FARP2: variants seen among roughly 807,000 people sequenced by gnomAD.
FARP2 encodes the protein FERM, ARH/RhoGEF and pleckstrin domain protein 2, also known as FERM, ARHGEF and pleckstrin domain-containing protein 2.
In FARP2, 111 loss-of-function variants were observed where a neutral mutation model predicts 130.5. The ratio of observed to expected loss-of-function variants is 0.85; its 90% CI spans 0.73 to 1.00. The LOEUF (loss-of-function observed/expected upper bound fraction) is 1.00, where lower values mean the gene tolerates loss of function less well. Ranked by LOEUF, FARP2 falls within the 50% of genes least tolerant of loss-of-function variation. The pLI, the probability that FARP2 is intolerant of heterozygous loss-of-function variation, is 0.00. For missense variants in FARP2, 1,385 were observed against 1,346.3 expected (o/e 1.03, Z -0.45); for synonymous variants, 504 against 516.9 (o/e 0.98, Z 0.34).
chr2:241,442,413 C>T (rs2063410441), intron 13 of FARP2: 1 of 456,572 alleles, frequency 2.2e-6, no homozygotes, highest in Admixed American at 2.3e-5. Context: ...CCCCCCTAGA[C>T]ATAAGCCTTT....
rs1372066033 is a variant in FARP2 at position 241,417,813 on chromosome 2, T to C, written c.624-149T>C. ...GCCTGCACGTGTGGTATGCTGTTTT[T>C]GTAGTGGGTAAACACAGACAGTGAA... On this transcript the variant is annotated intron_variant, in intron 7 of 26. Coordinates refer to ENST00000264042, the MANE Select transcript of FARP2 (RefSeq NM_014808.4). 5 of 799,696 alleles carry C rather than the reference T, an allele frequency of 6.3e-6. No individual in the cohort carries two copies. In the Admixed American group the frequency reaches 1.3e-4, roughly 22 times the overall value. The allele number at this position is 799,696 out of a possible 1,614,324, so 49.5% of individuals were successfully genotyped here. A position where few individuals can be genotyped will look rare whatever the true frequency, so the allele number is the denominator to read the frequency against.
intron 8 of FARP2, among the ~76,000 whole-genome samples, chr2:241,419,516 C>T (rs1041181131): frequency 1.3e-5 from 2 of 152,118 alleles, no homozygotes; most frequent in Middle Eastern, 3.2e-3. Context: ...AACACAATGA[C>T]AGTTGAAGGA....
At chr2:241,450,891 G>A (rs367873803) in intron 13 of FARP2, among the ~76,000 whole-genome samples, 22 of 152,142 alleles carry the variant, frequency 1.4e-4, no homozygotes, top group African/African-American at 5.3e-4. Context: ...AGCGGAGGTT[G>A]TAGTGAGCTG....
At chr2:241,454,674 G>A (rs1192202330) in intron 13 of FARP2, among the ~76,000 whole-genome samples, 2 of 152,176 alleles carry the variant, frequency 1.3e-5, no homozygotes, top group African/African-American at 4.8e-5. Context: ...GAGGCAAGGC[G>A]GAAGTAGGAA....
chr2:241,456,989 G>T, intron 14 of FARP2, 67 bp downstream of exon 14: 1 of 1,409,276 alleles, frequency 7.1e-7, no homozygotes, highest in East Asian at 2.5e-5. Flanking sequence ...CTGTTCCTTC[G>T]GGTGGTGCTG....
intron 8 of FARP2, among the ~76,000 whole-genome samples, chr2:241,429,768 C>T (rs912238488): frequency 1.4e-4 from 22 of 152,044 alleles, no homozygotes; most frequent in South Asian, 2.1e-4. Context: ...GCCTTTAACT[C>T]GTTAAACAAG....
chr2:241,422,986 A>G (rs546525922), intron 8 of FARP2, among the ~76,000 whole-genome samples: 9 of 152,320 alleles, frequency 5.9e-5, no homozygotes, highest in Non-Finnish European at 1.0e-4. Flanking sequence ...CCTATAACTG[A>G]TTGGGTTACC....
At chr2:241,400,455 G>A (rs1238624069) in intron 2 of FARP2, among the ~76,000 whole-genome samples, 2 of 152,156 alleles carry the variant, frequency 1.3e-5, no homozygotes, top group South Asian at 2.1e-4. Flanking sequence ...ACAAATAAAC[G>A]GGTCACAGTC....
Position 241,450,591 on chromosome 2 carries a change from A to G in FARP2, c.1412-6156A>G, listed in dbSNP as rs139893770. 7.1e-3 allele frequency among the ~76,000 whole-genome samples: 1,073 copies of G among 152,036 alleles called. 31 individuals are homozygous for G. The South Asian group carries it at 0.074, about 10-fold the overall frequency. On this transcript the variant is annotated intron_variant, in intron 13 of 26. Coordinates refer to ENST00000264042, the MANE Select transcript of FARP2 (RefSeq NM_014808.4). ...TGAGGCAGGAGAATTGCTTGAACCC[A>G]GGAGGTAGAGGCTGCAGTGAGCTGA...
In FARP2 at chr2:241,412,224, C is replaced by G. The variant is rs146285736; in HGVS notation, c.509-1083C>G. On this transcript the variant is annotated intron_variant, in intron 6 of 26. Transcript: ENST00000264042. Reference sequence around the variant, plus strand: ...ACAGGGAAATGGCCCCTTGTAAAATCATCAGATCTCATGAAAGTCTCACTA... The same window carrying G: ...ACAGGGAAATGGCCCCTTGTAAAATGATCAGATCTCATGAAAGTCTCACTA... Among the ~76,000 whole-genome samples, 187 of 152,246 alleles carry G rather than the reference C, an allele frequency of 1.2e-3. 1 individual carries two copies. Among genetic ancestry groups the G allele is most frequent in the African/African-American group, 4.3e-3 (177 of 41,540 alleles).
At chr2:241,435,635 C>T (rs1050462864) in intron 11 of FARP2, among the ~76,000 whole-genome samples, 2 of 151,376 alleles carry the variant, frequency 1.3e-5, no homozygotes, top group South Asian at 4.2e-4. Context: ...CCTCAGCCTC[C>T]CGAGTAGCTG....
At chr2:241,378,859 G>A (rs2061599781) in intron 2 of FARP2, among the ~76,000 whole-genome samples, 1 of 152,148 alleles carries the variant, frequency 6.6e-6, no homozygotes, top group Admixed American at 6.5e-5. Context: ...CTAATCAAAG[G>A]TCAGTGACTA....
intron 8 of FARP2, among the ~76,000 whole-genome samples, chr2:241,418,619 C>G (rs1485478210): frequency 2.6e-5 from 4 of 152,136 alleles, no homozygotes; most frequent in Non-Finnish European, 5.9e-5. Context: ...TGATAAGAGT[C>G]AGTGTTGTCT....
At chr2:241,380,947 A>G (rs1030651068) in intron 2 of FARP2, among the ~76,000 whole-genome samples, 4 of 151,244 alleles carry the variant, frequency 2.6e-5, no homozygotes, top group Admixed American at 2.6e-4. Context: ...GCCCATCCCC[A>G]CTCTGTAGCT....
chr2:241,415,072 A>C (rs910663077), intron 7 of FARP2, among the ~76,000 whole-genome samples: 2 of 152,214 alleles, frequency 1.3e-5, no homozygotes, highest in Non-Finnish European at 1.5e-5. Flanking sequence ...TCCATTGTAC[A>C]TACGGTCAGA....
chr2:241,454,719 A>C (rs1425186367), intron 13 of FARP2, among the ~76,000 whole-genome samples: 2 of 152,204 alleles, frequency 1.3e-5, no homozygotes, highest in Non-Finnish European at 2.9e-5. Flanking sequence ...AGTGTACTTT[A>C]ACTGAAGGTG....
chr2:241,366,637 T>C (rs1473543402), intron 1 of FARP2, among the ~76,000 whole-genome samples: 1 of 152,122 alleles, frequency 6.6e-6, no homozygotes, highest in Non-Finnish European at 1.5e-5. Context: ...AGGAAGATTG[T>C]GATAACATGA....
chr2:241,376,191 A>T (rs143666006), intron 2 of FARP2, among the ~76,000 whole-genome samples: 1 of 152,160 alleles, frequency 6.6e-6, no homozygotes, highest in African/African-American at 2.4e-5. Context: ...CCTCCAGCCC[A>T]CTTGGCCTCA....
At chr2:241,363,697 G>T (rs1202776613) in intron 1 of FARP2, among the ~76,000 whole-genome samples, 1 of 152,336 alleles carries the variant, frequency 6.6e-6, no homozygotes, top group South Asian at 2.1e-4. Flanking sequence ...CACTGCAAAG[G>T]CTTTGAAAGT....
Sources: allele counts gnomAD v4.1 joint callset (sites outside exome capture counted in the v4.1 genomes callset), GRCh38; gene constraint gnomAD v4.1.1; transcripts MANE v1.5; gene names NCBI Gene and HGNC (gene_info 2026-07-23, HGNC 2026-07-21).